Variants in DEPDC1B observed in about 807,000 individuals in gnomAD.
The protein encoded by DEPDC1B is DEP domain-containing protein 1B.
A neutral mutation model predicts 66.5 loss-of-function variants in DEPDC1B; 51 were observed. The ratio of observed to expected loss-of-function variants is 0.77; its 90% confidence interval spans 0.61 to 0.97. The LOEUF (loss-of-function observed/expected upper bound fraction) is 0.97, where lower values mean the gene tolerates loss of function less well. Ranked by LOEUF, DEPDC1B falls within the 50% of genes least tolerant of loss-of-function variation. The pLI, the probability that DEPDC1B is intolerant of heterozygous loss-of-function variation, is 0.00. For missense variants in DEPDC1B, 552 were observed against 637.1 expected (o/e 0.87, Z 1.44); for synonymous variants, 226 against 223.6 (o/e 1.01, Z -0.10).
chr5:60,654,028 T>G (rs1753519907), intron 2 of DEPDC1B, among the ~76,000 whole-genome samples: 1 of 149,508 alleles, frequency 6.7e-6, no homozygotes, highest in Non-Finnish European at 1.5e-5. Flanking sequence ...TAGCTTGAAG[T>G]CAGGCAATGT....
intron 8 of DEPDC1B, among the ~76,000 whole-genome samples, chr5:60,604,837 A>G (rs1752277897): frequency 6.6e-6 from 1 of 152,148 alleles, no homozygotes; most frequent in South Asian, 2.1e-4. Context: ...TCAGCTTTTC[A>G]AAAAGGTCTA....
chr5:60,657,410 T>C (rs187129424), intron 2 of DEPDC1B, among the ~76,000 whole-genome samples: 5 of 152,334 alleles, frequency 3.3e-5, no homozygotes, highest in African/African-American at 9.6e-5. Context: ...ATTTATGCTT[T>C]AAAGAGGTTC....
chr5:60,597,751 T>C lies in DEPDC1B; in HGVS notation c.*2A>G. ...CTAGCACCTGTTGCTGTGGAAGTAT[T>C]ATTACATTCGAAAACTTCTAGTTCT... is the stretch of plus-strand genomic sequence containing the variant. On this transcript the variant is annotated 3_prime_UTR_variant, in exon 11 of 11. Coordinates refer to ENST00000265036, the MANE Select transcript of DEPDC1B (RefSeq NM_018369.3). 1 of 1,612,458 alleles carries C rather than the reference T, an allele frequency of 6.2e-7. No individual in the cohort carries two copies. The highest frequency in any genetic ancestry group is 8.5e-7 in the Non-Finnish European group (1 of 1,179,362).
intron 7 of DEPDC1B, among the ~76,000 whole-genome samples, chr5:60,606,609 CAAAAAAAAAAA>C (rs60544270): frequency 3.9e-4 from 18 of 46,618 alleles, no homozygotes; most frequent in South Asian, 3.8e-3. Context: ...CCCATTTCTA[CAAAAAAAAAAA>C]AAAAAAAAAA....
At chr5:60,617,377 T>C (rs1281744554) in intron 7 of DEPDC1B, among the ~76,000 whole-genome samples, 1 of 152,160 alleles carries the variant, frequency 6.6e-6, no homozygotes, top group Non-Finnish European at 1.5e-5. Flanking sequence ...ATCAGTGTGC[T>C]GTATTCAGGA....
intron 2 of DEPDC1B, among the ~76,000 whole-genome samples, chr5:60,677,326 A>ACACACACTCTCTCTCT (rs770640655): frequency 9.2e-5 from 10 of 108,524 alleles, no homozygotes; most frequent in African/African-American, 4.0e-4. Context: ...ACACACACAC[A>ACACACACTCTCTCTCT]CTCTCTCTCT....
At chr5:60,663,840 T>A (rs527682948) in intron 2 of DEPDC1B, among the ~76,000 whole-genome samples, 1 of 152,344 alleles carries the variant, frequency 6.6e-6, no homozygotes, top group Non-Finnish European at 1.5e-5. Flanking sequence ...AAGGCTCAGC[T>A]CTGCTTACAG....
At chr5:60,612,004 C>T (rs1752422236) in intron 7 of DEPDC1B, among the ~76,000 whole-genome samples, 1 of 152,062 alleles carries the variant, frequency 6.6e-6, no homozygotes, top group Non-Finnish European at 1.5e-5. Flanking sequence ...AGGGAGAAGT[C>T]GATATTTGGC....
intron 7 of DEPDC1B, among the ~76,000 whole-genome samples, chr5:60,638,217 C>T (rs549336011): frequency 6.6e-6 from 1 of 152,196 alleles, no homozygotes; most frequent in African/African-American, 2.4e-5. Context: ...TACCATGTTC[C>T]TTTCAGTGTA....
chr5:60,613,806 G>GTT (rs1752474760), intron 7 of DEPDC1B, among the ~76,000 whole-genome samples: 1 of 112,008 alleles, frequency 8.9e-6, no homozygotes, highest in Admixed American at 9.9e-5. Flanking sequence ...GTGTGTGTGT[G>GTT]TGTGTGTGTG....
chr5:60,677,316 A>ACACG (rs1754184444), intron 2 of DEPDC1B, among the ~76,000 whole-genome samples: 1 of 114,694 alleles, frequency 8.7e-6, no homozygotes, highest in South Asian at 2.8e-4. Context: ...ACACACACAC[A>ACACG]CACACACACA....
At chr5:60,628,164 A>G (rs1752844267) in intron 7 of DEPDC1B, 1 of 152,226 alleles carries the variant, frequency 6.6e-6, no homozygotes, top group African/African-American at 2.4e-5. Flanking sequence ...CATAAATGCA[A>G]TCAAGTACAG....
chr5:60,644,587 C>T (rs1753265935), intron 5 of DEPDC1B, among the ~76,000 whole-genome samples, 158 bp downstream of exon 5: 1 of 152,108 alleles, frequency 6.6e-6, no homozygotes, highest in African/African-American at 2.4e-5. Flanking sequence ...TATGACATTC[C>T]CTTATTCCAA....
chr5:60,664,846 T>A (rs1332752504), intron 2 of DEPDC1B, among the ~76,000 whole-genome samples: 1 of 152,156 alleles, frequency 6.6e-6, no homozygotes, highest in Admixed American at 6.5e-5. Flanking sequence ...TAGTCCTCCA[T>A]GCCCGTGCAA....
rs772613719 is a variant in DEPDC1B, at chr5:60,638,753, G to A, written c.895C>T (p.Leu299=). The change falls in exon 7 of 11, where the codon CTG becomes TTG. Residue 299 remains leucine, a synonymous_variant. Transcript: ENST00000265036. ...TGTTCATTATATTCCAACTTACCCA[G>A]TACACTGACAAAAGCATCAAAAAGA... ...FHLFDAFVSV[L]GLLQKEKVAV... is the part of the protein sequence containing the mutation. The A allele has an allele frequency of 6.2e-7, 1 of 1,609,110 alleles. No individual in the cohort carries two copies. Among genetic ancestry groups the A allele is most frequent in the Admixed American group, 1.7e-5 (1 of 59,116 alleles).
chr5:60,647,318 C>A (rs1753341628), intron 3 of DEPDC1B, 80 bp downstream of exon 3: 1 of 1,488,040 alleles, frequency 6.7e-7, no homozygotes, highest in Non-Finnish European at 8.9e-7. Context: ...TCATAAAGGA[C>A]CACAGAAAGA....
At chr5:60,621,490 C>T (rs1752700277) in intron 7 of DEPDC1B, among the ~76,000 whole-genome samples, 1 of 151,564 alleles carries the variant, frequency 6.6e-6, no homozygotes, top group African/African-American at 2.4e-5. Flanking sequence ...ACAATGAGAA[C>T]ACTTGAACAC....
chr5:60,603,289 T>C, intron 9 of DEPDC1B, 102 bp downstream of exon 9: 1 of 1,096,892 alleles, frequency 9.1e-7, no homozygotes. Context: ...TTATAAACAT[T>C]AATTCACTTA....
At chr5:60,669,473 A>T (rs749364597) in intron 2 of DEPDC1B, among the ~76,000 whole-genome samples, 2 of 152,186 alleles carry the variant, frequency 1.3e-5, no homozygotes, top group Non-Finnish European at 2.9e-5. Flanking sequence ...TCCTTCTGAG[A>T]CTACTATTTC....
Sources: gnomAD v4.1 joint callset for allele counts (sites outside exome capture counted in the v4.1 genomes callset) on GRCh38, gnomAD v4.1.1 for gene constraint, MANE v1.5 for transcripts, NCBI Gene and HGNC (gene_info 2026-07-23, HGNC 2026-07-21) for gene names.